The following SLC44A5 variants were observed in gnomAD, a reference collection of about 807,000 sequenced individuals.
The protein encoded by SLC44A5 is solute carrier family 44 member 5, also known as choline transporter-like protein 5.
Under a neutral mutation model 101.8 loss-of-function variants are expected in SLC44A5, and 57 were observed. That is an observed-to-expected ratio of 0.56 (90% CI 0.45 to 0.70). SLC44A5 has a LOEUF of 0.70. Ranked by LOEUF, SLC44A5 falls within the 30% of genes least tolerant of loss-of-function variation. The pLI is 0.00. For missense variants in SLC44A5, 737 were observed against 853.1 expected (o/e 0.86, Z 1.70); for synonymous variants, 281 against 290.9 (o/e 0.97, Z 0.35).
At chr1:75,362,278 G>A (rs1320801068) in intron 3 of SLC44A5, among the ~76,000 whole-genome samples, 1 of 150,820 alleles carries the variant, frequency 6.6e-6, no homozygotes, top group Non-Finnish European at 1.5e-5. Flanking sequence ...TGTTTTTCTA[G>A]TCTCGCATTT....
the SLC44A5 span, among the ~76,000 whole-genome samples, chr1:75,721,316 A>AC: frequency 6.6e-6 from 1 of 152,160 alleles, no homozygotes; most frequent in Admixed American, 6.6e-5. Flanking sequence ...ACCACATGCA[A>AC]CCCACAGGCC....
At chr1:75,676,246 C>G in the SLC44A5 span, among the ~76,000 whole-genome samples, 3 of 152,178 alleles carry the variant, frequency 2.0e-5, no homozygotes, top group African/African-American at 4.8e-5. Context: ...TACATGCACA[C>G]ATATGTTCAT....
Position 75,214,583 on chromosome 1 carries a change from A to G in SLC44A5, c.1802+22T>C, listed in dbSNP as rs762574782. 7 of 1,599,554 alleles carry G rather than the reference A, an allele frequency of 4.4e-6. No homozygotes were observed. In the East Asian group the frequency reaches 6.7e-5, roughly 15 times the overall value. ...AAGGTTCACTACATTGTTAAATTAC[A>G]TTGTGCAGCCTGATTACTTACTTCA... On this transcript the variant is annotated intron_variant, in intron 20 of 23. Transcript: ENST00000370859.
At chr1:75,669,541 CG>C in the SLC44A5 span, among the ~76,000 whole-genome samples, 1 of 152,162 alleles carries the variant, frequency 6.6e-6, no homozygotes, top group Non-Finnish European at 1.5e-5. Flanking sequence ...GGTGGGTAGC[CG>C]AGATTGATAA....
intron 1 of SLC44A5, among the ~76,000 whole-genome samples, chr1:75,604,404 T>C (rs936047004): frequency 2.0e-5 from 3 of 152,176 alleles, no homozygotes; most frequent in Non-Finnish European, 2.9e-5. Flanking sequence ...CATGCTGTTT[T>C]GCTTACTGTA....
intron 1 of SLC44A5, among the ~76,000 whole-genome samples, chr1:75,564,439 G>T: frequency 5.1e-5 from 1 of 19,788 alleles, no homozygotes; most frequent in Non-Finnish European, 8.4e-5. Flanking sequence ...GATTTTTTTT[G>T]CAATCGTTTT....
At chr1:75,212,475 A>G (rs1244886508) in intron 22 of SLC44A5, among the ~76,000 whole-genome samples, 2 of 152,154 alleles carry the variant, frequency 1.3e-5, no homozygotes, top group Admixed American at 6.6e-5. Context: ...CAGTTTGCTT[A>G]GGATAACAGC....
At chr1:75,579,387 G>A (rs1243672920) in intron 1 of SLC44A5, among the ~76,000 whole-genome samples, 2 of 152,206 alleles carry the variant, frequency 1.3e-5, no homozygotes, top group African/African-American at 4.8e-5. Flanking sequence ...AGGCTGCAGT[G>A]AGCTGTGATC....
intron 13 of SLC44A5, 31 bp from the exon 14 acceptor site, chr1:75,222,491 A>AT: frequency 1.5e-6 from 2 of 1,374,604 alleles, no homozygotes; most frequent in Non-Finnish European, 2.1e-6. Flanking sequence ...ATCAGTCTGT[A>AT]ATACAAGTAG....
At chr1:75,374,329 C>T (rs929533859) in intron 3 of SLC44A5, among the ~76,000 whole-genome samples, 5 of 152,204 alleles carry the variant, frequency 3.3e-5, no homozygotes, top group Admixed American at 3.3e-4. Flanking sequence ...TGCAGACATA[C>T]CTCACAACCT....
the SLC44A5 span, among the ~76,000 whole-genome samples, chr1:75,678,432 C>A: frequency 9.1e-4 from 139 of 152,254 alleles, 1 homozygote; most frequent in South Asian, 0.015. Context: ...GGCAGATTGC[C>A]TCCTCAAGTG....
In SLC44A5 at chr1:75,203,109, A is replaced by T; in HGVS notation, c.*618T>A. ...TGCAGGTTTTAATTTTTTAAAAAAC[A>T]ATGTTTGTAAACTTGCCCATAAAAG... On this transcript the variant is annotated 3_prime_UTR_variant, in exon 24 of 24. Coordinates refer to ENST00000370859, the MANE Select transcript of SLC44A5 (RefSeq NM_001130058.2). 1 of 152,218 alleles carries T rather than the reference A, an allele frequency of 6.6e-6. No homozygotes were observed. Among genetic ancestry groups the T allele is most frequent in the East Asian group, 1.9e-4 (1 of 5,194 alleles). The allele number at this position is 152,218 out of a possible 1,614,324, so 9.4% of individuals were successfully genotyped here.
At chr1:75,230,253 C>T (rs1384663707) in intron 12 of SLC44A5, among the ~76,000 whole-genome samples, 1 of 146,878 alleles carries the variant, frequency 6.8e-6, no homozygotes, top group Non-Finnish European at 1.5e-5. Context: ...AATGAATTCA[C>T]TTTTTTTTTT....
chr1:75,579,930 A>G (rs1673587905), intron 1 of SLC44A5, among the ~76,000 whole-genome samples: 1 of 152,138 alleles, frequency 6.6e-6, no homozygotes, highest in Non-Finnish European at 1.5e-5. Flanking sequence ...AGCATTTAAG[A>G]TCTCAGATCA....
chr1:75,330,169 G>A (rs565541279), intron 4 of SLC44A5, among the ~76,000 whole-genome samples: 1 of 117,460 alleles, frequency 8.5e-6, no homozygotes, highest in Admixed American at 8.5e-5. Flanking sequence ...ATATATATAC[G>A]TATATATGCA....
chr1:75,523,937 A>C (rs1205772153), intron 2 of SLC44A5, among the ~76,000 whole-genome samples: 1 of 152,238 alleles, frequency 6.6e-6, no homozygotes, highest in Non-Finnish European at 1.5e-5. Flanking sequence ...ACCCTTCTCC[A>C]AGGGAATAAA....
chr1:75,471,382 AACACACACACAC>A (rs3058800), intron 2 of SLC44A5, among the ~76,000 whole-genome samples: 2 of 149,214 alleles, frequency 1.3e-5, no homozygotes, highest in African/African-American at 2.5e-5. Context: ...TGTGCATGAA[AACACACACACAC>A]ACACACACAC....
At chr1:75,441,993 CTTTTA>C (rs921337849) in intron 2 of SLC44A5, among the ~76,000 whole-genome samples, 1 of 152,022 alleles carries the variant, frequency 6.6e-6, no homozygotes, top group Non-Finnish European at 1.5e-5. Context: ...ACATATTCTT[CTTTTA>C]TAAGAATGAT....
intron 1 of SLC44A5, among the ~76,000 whole-genome samples, chr1:75,565,964 G>A (rs1672764388): frequency 6.6e-6 from 1 of 152,122 alleles, no homozygotes; most frequent in South Asian, 2.1e-4. Context: ...TCACACTGAT[G>A]TATTATTCAA....
Sources: gnomAD v4.1 joint callset for allele counts (sites outside exome capture counted in the v4.1 genomes callset) on GRCh38, gnomAD v4.1.1 for gene constraint, MANE v1.5 for transcripts, NCBI Gene and HGNC (gene_info 2026-07-23, HGNC 2026-07-21) for gene names.